The following SLC4A10 variants were observed in gnomAD, a reference collection of about 807,000 sequenced individuals.
SLC4A10 encodes the protein solute carrier family 4 member 10, also known as sodium-driven chloride bicarbonate exchanger.
A neutral mutation model predicts 137.7 loss-of-function variants in SLC4A10; 42 were observed. The observed-to-expected ratio is 0.30, with a 90% confidence interval of 0.24 to 0.39. The LOEUF (loss-of-function observed/expected upper bound fraction) is 0.39, where lower values mean the gene tolerates loss of function less well. Ranked by LOEUF, SLC4A10 falls within the 10% of genes least tolerant of loss-of-function variation. The probability of loss-of-function intolerance (pLI) is 1.00; values close to 1 mark genes in which losing one functional copy is unlikely to be tolerated. For synonymous variants in SLC4A10, 474 were observed against 464.1 expected, an observed-to-expected ratio of 1.02 and a Z score of -0.27; for missense variants, 925 against 1,355.0, an observed-to-expected ratio of 0.68 and a Z score of 4.98.
chr2:161,679,240 A>C (rs1182761133), intron 1 of SLC4A10, among the ~76,000 whole-genome samples: 1 of 152,142 alleles, frequency 6.6e-6, no homozygotes, highest in Non-Finnish European at 1.5e-5. Context: ...TACTTATTTC[A>C]AGCTTATCAT....
intron 1 of SLC4A10, among the ~76,000 whole-genome samples, chr2:161,697,319 ATT>A (rs2042624884): frequency 6.6e-6 from 1 of 152,082 alleles, no homozygotes; most frequent in South Asian, 2.1e-4. Flanking sequence ...ATTGGCTCCC[ATT>A]TGTCAATTTT....
chr2:161,628,386 GATAATTTGATGAT>G (rs960882867), intron 1 of SLC4A10, among the ~76,000 whole-genome samples: 3 of 151,966 alleles, frequency 2.0e-5, no homozygotes, highest in Non-Finnish European at 2.9e-5. Context: ...ACTTTTAAAA[GATAATTTGATGAT>G]ATAGGATAGA....
intron 11 of SLC4A10, among the ~76,000 whole-genome samples, chr2:161,897,516 T>TA (rs1203708641): frequency 2.0e-5 from 3 of 152,156 alleles, no homozygotes; most frequent in African/African-American, 7.2e-5. Flanking sequence ...CATGAGTACT[T>TA]AAAAAGGGTA....
chr2:161,882,363 G>A lies in SLC4A10; in HGVS notation c.1113G>A (p.Leu371=). 1 of 1,559,704 alleles carries A rather than the reference G, an allele frequency of 6.4e-7. No homozygotes were observed. The highest frequency in any genetic ancestry group is 8.7e-7 in the Non-Finnish European group (1 of 1,152,782). Reference sequence around the variant, plus strand: ...TTTTTCTTCTTAATTACAGATTTTTGTTCATTCTTCTGGGACCCCTGGGAA... The same window carrying A: ...TTTTTCTTCTTAATTACAGATTTTTATTCATTCTTCTGGGACCCCTGGGAA... ...LAEVPIPTRF[L]FILLGPLGKG... The change falls in exon 10 of 27, where the codon TTG becomes TTA. Residue 371 remains leucine, a synonymous_variant. Coordinates refer to ENST00000446997, the MANE Select transcript of SLC4A10 (RefSeq NM_001178015.2).
At chr2:161,976,042 G>A (rs996810528) in intron 24 of SLC4A10, among the ~76,000 whole-genome samples, 1 of 152,178 alleles carries the variant, frequency 6.6e-6, no homozygotes, top group East Asian at 1.9e-4. Flanking sequence ...AGGGGCAAGC[G>A]TTTAAGCAAT....
At chr2:161,910,263 T>A (rs1283152755) in intron 15 of SLC4A10, among the ~76,000 whole-genome samples, 1 of 152,154 alleles carries the variant, frequency 6.6e-6, no homozygotes, top group African/African-American at 2.4e-5. Context: ...CCTAACCTTA[T>A]AATATGGTAA....
chr2:161,685,467 G>T (rs900249425), intron 1 of SLC4A10, among the ~76,000 whole-genome samples: 1 of 152,082 alleles, frequency 6.6e-6, no homozygotes, highest in Non-Finnish European at 1.5e-5. Flanking sequence ...AATTAGCTGG[G>T]CATGGTGGCA....
At chr2:161,761,025 A>T (rs909579833) in intron 1 of SLC4A10, among the ~76,000 whole-genome samples, 1 of 152,058 alleles carries the variant, frequency 6.6e-6, no homozygotes, top group African/African-American at 2.4e-5. Context: ...ATAATAACAA[A>T]CATTTATTGA....
chr2:161,910,259 C>G (rs1685513877), intron 15 of SLC4A10, among the ~76,000 whole-genome samples: 1 of 151,966 alleles, frequency 6.6e-6, no homozygotes, highest in South Asian at 2.1e-4. Flanking sequence ...TCATCCTAAC[C>G]TTATAATATG....
At chr2:161,867,656 T>C (rs2060844589) in intron 6 of SLC4A10, among the ~76,000 whole-genome samples, 1 of 151,990 alleles carries the variant, frequency 6.6e-6, no homozygotes. Flanking sequence ...TTGCATTAAT[T>C]ATTTTCAGGC....
chr2:161,846,423 G>A (rs1235455350), intron 4 of SLC4A10, among the ~76,000 whole-genome samples: 3 of 152,116 alleles, frequency 2.0e-5, no homozygotes, highest in Non-Finnish European at 2.9e-5. Context: ...GACAGTTTCT[G>A]ATAAAACTAA....
intron 1 of SLC4A10, among the ~76,000 whole-genome samples, chr2:161,660,563 T>G (rs533409119): frequency 6.2e-5 from 5 of 81,078 alleles, no homozygotes; most frequent in Non-Finnish European, 1.5e-4. Context: ...TATATTTCTT[T>G]CTTTCTTTCT....
chr2:161,639,813 G>T (rs1173231921), intron 1 of SLC4A10, among the ~76,000 whole-genome samples: 1 of 152,124 alleles, frequency 6.6e-6, no homozygotes, highest in East Asian at 1.9e-4. Flanking sequence ...ATTTAAATTG[G>T]AAATGAGAAG....
At chr2:161,698,484 A>G (rs1432423971) in intron 1 of SLC4A10, among the ~76,000 whole-genome samples, 1 of 152,206 alleles carries the variant, frequency 6.6e-6, no homozygotes, top group Non-Finnish European at 1.5e-5. Context: ...ACGTCCCATC[A>G]ATACCTAATT....
intron 16 of SLC4A10, 23 bp from the exon 17 acceptor site, chr2:161,947,543 A>C (rs752765865): frequency 3.1e-6 from 5 of 1,603,234 alleles, no homozygotes; most frequent in Non-Finnish European, 4.3e-6. Context: ...TAGTAGCTCC[A>C]TTTGTTTTAC....
Position 161,936,587 on chromosome 2 carries a change from C to T in SLC4A10, c.1998-6205C>T, listed in dbSNP as rs992958468. 5.9e-5 allele frequency among the ~76,000 whole-genome samples: 9 copies of T among 151,938 alleles called. No individual in the cohort carries two copies. In the South Asian group the frequency reaches 8.3e-4, roughly 14 times the overall value. On this transcript the variant is annotated intron_variant, in intron 15 of 26. Transcript: ENST00000446997. ...TATGTTGGATAATAATTGTTTATAG[C>T]GTTCTTTTATAATCCTTTGCATTTC...
intron 15 of SLC4A10, among the ~76,000 whole-genome samples, chr2:161,918,377 A>C (rs1314032578): frequency 1.3e-5 from 2 of 152,140 alleles, no homozygotes; most frequent in Non-Finnish European, 2.9e-5. Flanking sequence ...GCTGGTCTCA[A>C]ACCCCTGACC....
chr2:161,980,632 G>A (rs1451860314), intron 26 of SLC4A10, among the ~76,000 whole-genome samples: 2 of 152,132 alleles, frequency 1.3e-5, no homozygotes, highest in Non-Finnish European at 2.9e-5. Context: ...CTGGGCAACA[G>A]AGCAACACTC....
chr2:161,878,566 C>G (rs1024219699), intron 8 of SLC4A10, among the ~76,000 whole-genome samples: 2 of 151,928 alleles, frequency 1.3e-5, no homozygotes, highest in Non-Finnish European at 2.9e-5. Flanking sequence ...TCTACTGTGT[C>G]ATATCTAAAT....
Sources: gnomAD v4.1 joint callset for allele counts (sites outside exome capture counted in the v4.1 genomes callset) on GRCh38, gnomAD v4.1.1 for gene constraint, MANE v1.5 for transcripts, NCBI Gene and HGNC (gene_info 2026-07-23, HGNC 2026-07-21) for gene names.